The following ASH1L variants were observed in gnomAD, a reference collection of about 807,000 sequenced individuals.
The protein encoded by ASH1L is histone-lysine N-methyltransferase ASH1L.
In ASH1L, 23 loss-of-function variants were observed where a neutral mutation model predicts 269.0. The observed-to-expected ratio is 0.09, with a 90% confidence interval of 0.06 to 0.12. The LOEUF is 0.12. Among genes scored for constraint, ASH1L ranks in the 10% least tolerant of loss-of-function variants. ASH1L has a pLI of 1.00. For missense variants in ASH1L, 2,912 were observed against 3,567.8 expected, an observed-to-expected ratio of 0.82 and a Z score of 4.68; for synonymous variants, 1,187 against 1,253.5, an observed-to-expected ratio of 0.95 and a Z score of 1.12.
At chr1:155,540,345 G>C (rs924427694) in intron 1 of ASH1L, among the ~76,000 whole-genome samples, 5 of 152,160 alleles carry the variant, frequency 3.3e-5, no homozygotes, top group Non-Finnish European at 7.3e-5. Flanking sequence ...TATATGAAAA[G>C]TACTTAGAAC....
At chr1:155,448,000 G>A (rs1663161859) in intron 4 of ASH1L, among the ~76,000 whole-genome samples, 1 of 152,192 alleles carries the variant, frequency 6.6e-6, no homozygotes, top group Admixed American at 6.5e-5. Context: ...TGAGATCTTA[G>A]ATTTAAGCCT....
At chr1:155,522,812 G>C (rs747620816) in intron 1 of ASH1L, among the ~76,000 whole-genome samples, 5 of 151,390 alleles carry the variant, frequency 3.3e-5, no homozygotes, top group Non-Finnish European at 5.9e-5. Flanking sequence ...TCAGCTTCCC[G>C]AGTAGCTGGC....
intron 4 of ASH1L, among the ~76,000 whole-genome samples, chr1:155,451,603 T>C (rs1031383229): frequency 6.6e-6 from 1 of 151,664 alleles, no homozygotes. Flanking sequence ...CTACTAAAAA[T>C]ACAAAAATTG....
chr1:155,385,164 C>T (rs1390249596), intron 7 of ASH1L, among the ~76,000 whole-genome samples: 1 of 152,008 alleles, frequency 6.6e-6, no homozygotes, highest in Non-Finnish European at 1.5e-5. Flanking sequence ...AAATTATTGG[C>T]CAGGTGCAGT....
Position 155,438,830 on chromosome 1 carries a change from G to C in ASH1L, c.5325C>G (p.Cys1775Trp), listed in dbSNP as rs753734834. The change falls in exon 5 of 28, where the codon TGC becomes TGG. Residue 1775 changes from cysteine to tryptophan, a missense_variant. Physicochemically the swap from Cys to Trp is radical, Grantham distance 215 (BLOSUM62 -2). This residue lies in a region of ASH1L where 789 missense variants were observed against 897.6 expected (regional missense o/e 0.88). Coordinates refer to ENST00000392403, the MANE Select transcript of ASH1L (RefSeq NM_018489.3). The part of the protein sequence containing the change: ...LLVPAVTSDS[C>W]NNSISLLSEK... ...CAGATAGGAGTGAGATGCTATTATT[G>C]CAAGAGTCACTTGTGACTGCAGGCA... 6.2e-6 allele frequency: 10 copies of C among 1,614,046 alleles called. No individual in the cohort carries two copies. The highest frequency in any genetic ancestry group is 2.2e-5 in the East Asian group (1 of 44,900).
At chr1:155,536,534 C>G (rs2148879664) in intron 1 of ASH1L, among the ~76,000 whole-genome samples, 1 of 152,264 alleles carries the variant, frequency 6.6e-6, no homozygotes, top group African/African-American at 2.4e-5. Flanking sequence ...AAAACATATG[C>G]AGTCATTTCT....
intron 1 of ASH1L, among the ~76,000 whole-genome samples, chr1:155,525,955 A>C (rs555715618): frequency 6.6e-6 from 1 of 152,288 alleles, no homozygotes; most frequent in East Asian, 1.9e-4. Flanking sequence ...CATAATGTAA[A>C]TGATATATAA....
At chr1:155,483,676 T>C (rs899409643) in intron 2 of ASH1L, among the ~76,000 whole-genome samples, 1 of 151,532 alleles carries the variant, frequency 6.6e-6, no homozygotes, top group Non-Finnish European at 1.5e-5. Context: ...AAATATAATG[T>C]CTGCACAAGG....
At chr1:155,419,753 A>G (rs1279708387) in intron 5 of ASH1L, among the ~76,000 whole-genome samples, 2 of 152,244 alleles carry the variant, frequency 1.3e-5, no homozygotes, top group Non-Finnish European at 2.9e-5. Flanking sequence ...ATATGCTTTC[A>G]TCATATATGT....
At chr1:155,391,899 T>A (rs1377894583) in intron 7 of ASH1L, among the ~76,000 whole-genome samples, 1 of 152,172 alleles carries the variant, frequency 6.6e-6, no homozygotes, top group East Asian at 1.9e-4. Context: ...GAGGCTGCAG[T>A]GAGCCAAGAT....
rs373731161 is a variant in ASH1L, at chr1:155,518,043, G to A, written c.420+3057C>T. ...TCTCGATCTCCTGACCTCGTGATCC[G>A]CCCGCCTCGGCCTCCCAAAGTGCTG... On this transcript the variant is annotated intron_variant, in intron 2 of 27. Coordinates refer to ENST00000392403, the MANE Select transcript of ASH1L (RefSeq NM_018489.3). Among the ~76,000 whole-genome samples, 8 of 151,830 alleles carry A rather than the reference G, an allele frequency of 5.3e-5. No homozygotes were observed. In the East Asian group the frequency reaches 9.7e-4, roughly 18 times the overall value.
At chr1:155,485,434 G>C (rs1027418998) in intron 2 of ASH1L, among the ~76,000 whole-genome samples, 2 of 152,172 alleles carry the variant, frequency 1.3e-5, no homozygotes, top group Admixed American at 6.5e-5. Flanking sequence ...TCCTCCCCCC[G>C]CTCAGCCTTC....
At chr1:155,486,427 AT>A (rs1666331109) in intron 2 of ASH1L, among the ~76,000 whole-genome samples, 1 of 151,870 alleles carries the variant, frequency 6.6e-6, no homozygotes, top group African/African-American at 2.4e-5. Context: ...GGTACCAAAA[AT>A]AAAAAAAAAA....
intron 5 of ASH1L, among the ~76,000 whole-genome samples, chr1:155,423,775 G>C (rs1468712132): frequency 6.6e-6 from 1 of 152,138 alleles, no homozygotes; most frequent in Non-Finnish European, 1.5e-5. Context: ...CTCTCGCTCA[G>C]GCTGCAATGC....
At chr1:155,535,397 A>G (rs754646276) in intron 1 of ASH1L, among the ~76,000 whole-genome samples, 3 of 152,192 alleles carry the variant, frequency 2.0e-5, no homozygotes, top group East Asian at 1.9e-4. Context: ...GCTCATCTAC[A>G]AGGAATTTTT....
chr1:155,378,141 C>T (rs572977185), intron 10 of ASH1L, 140 bp downstream of exon 10: 284 of 568,842 alleles, frequency 5.0e-4, no homozygotes, highest in Non-Finnish European at 5.2e-4. Context: ...TTCTGTATTC[C>T]GCCCACCCAT....
intron 1 of ASH1L, among the ~76,000 whole-genome samples, chr1:155,540,928 T>C (rs1175735504): frequency 6.6e-6 from 1 of 152,114 alleles, no homozygotes; most frequent in East Asian, 1.9e-4. Flanking sequence ...TCTTTCCATA[T>C]GACTACTTCT....
At chr1:155,439,139 G>C (rs1662344804) in intron 4 of ASH1L, 71 bp from the exon 5 acceptor site, 2 of 1,436,210 alleles carry the variant, frequency 1.4e-6, no homozygotes, top group Non-Finnish European at 1.9e-6. Flanking sequence ...TTTTTACACA[G>C]ATAAAAGGGA....
rs1452567210 is a variant in ASH1L, at chr1:155,562,331, G to A, written c.-278C>T. The A allele has an allele frequency of 1.9e-6, 3 of 1,568,858 alleles. No individual in the cohort carries two copies. Among genetic ancestry groups the A allele is most frequent in the Admixed American group, 3.5e-5 (2 of 56,890 alleles). On this transcript the variant is annotated 5_prime_UTR_variant, in exon 1 of 28. Transcript: ENST00000392403. ...TGCGAGAGAGGAGAAGGGAAAGGTG[G>A]AAGGCTAAAGGGGGCAAACTGAGGG...
Sources: gnomAD v4.1 joint callset for allele counts (sites outside exome capture counted in the v4.1 genomes callset) on GRCh38, gnomAD v4.1.1 for gene constraint, gnomAD v4.1.1 regional missense constraint, MANE v1.5 for transcripts, NCBI Gene and HGNC (gene_info 2026-07-23, HGNC 2026-07-21) for gene names.